Variants in ERICH1 observed in about 807,000 individuals in gnomAD.
ERICH1 encodes glutamate-rich protein 1.
A neutral mutation model predicts 39.6 loss-of-function variants in ERICH1; 56 were observed. The observed-to-expected ratio is 1.41, with a 90% CI of 1.14 to 1.77. The LOEUF (loss-of-function observed/expected upper bound fraction) is 1.77, where lower values mean the gene tolerates loss of function less well. Among genes scored for constraint, ERICH1 ranks in the 40% most tolerant of loss-of-function variants. ERICH1 has a pLI of 0.00. For synonymous variants in ERICH1, 313 were observed against 223.6 expected (o/e 1.40, Z -3.57); for missense variants, 826 against 575.4 (o/e 1.44, Z -4.45).
In ERICH1 at chr8:618,184, C is replaced by T. The variant is rs139398333; in HGVS notation, c.977-2900G>A. 9.1e-3 allele frequency among the ~76,000 whole-genome samples: 1,374 copies of T among 151,582 alleles called. 17 individuals are homozygous for T. Among genetic ancestry groups the T allele is most frequent in the African/African-American group, 0.031 (1,284 of 41,242 alleles). On this transcript the variant is annotated intron_variant, in intron 3 of 3. Coordinates refer to the ERICH1 transcript ENST00000522706. Reference sequence around the variant, plus strand: ...CTCAGTACTGAGTACTCCATCTGTTCTCACTGCCCTCTGAGTGCTAGGTAC... The same window carrying T: ...CTCAGTACTGAGTACTCCATCTGTTTTCACTGCCCTCTGAGTGCTAGGTAC...
intron 1 of ERICH1, among the ~76,000 whole-genome samples, chr8:726,314 C>T (rs1259529461): frequency 5.3e-5 from 8 of 152,044 alleles, no homozygotes; most frequent in South Asian, 4.2e-4. Context: ...ACACGCCACA[C>T]GCAGACACGT....
At chr8:629,021 C>T (rs796282544) in intron 3 of ERICH1, among the ~76,000 whole-genome samples, 8 of 152,300 alleles carry the variant, frequency 5.3e-5, no homozygotes, top group African/African-American at 1.7e-4. Flanking sequence ...TTCAGAAGGG[C>T]TCTCGGGGCC....
chr8:656,414 G>T (rs1277559110), intron 3 of ERICH1, among the ~76,000 whole-genome samples: 1 of 152,102 alleles, frequency 6.6e-6, no homozygotes, highest in Non-Finnish European at 1.5e-5. Flanking sequence ...TTATTCCCTT[G>T]GGGACGACAA....
intron 5 of ERICH1, chr8:666,238 T>G (rs1802215900): frequency 6.6e-6 from 1 of 152,218 alleles, no homozygotes; most frequent in Non-Finnish European, 1.5e-5. Context: ...AAAACTCTTT[T>G]GGTGAATTTC....
At chr8:695,686 A>G (rs1189890928) in intron 2 of ERICH1, among the ~76,000 whole-genome samples, 4 of 50,614 alleles carry the variant, frequency 7.9e-5, no homozygotes, top group African/African-American at 1.1e-4. Context: ...ATCAGCCTGC[A>G]CCTGTGCTTG....
chr8:636,332 G>A (rs949273093), intron 3 of ERICH1, among the ~76,000 whole-genome samples: 1 of 152,246 alleles, frequency 6.6e-6, no homozygotes, highest in Non-Finnish European at 1.5e-5. Flanking sequence ...GGGAGCCAAG[G>A]CCTCGGATGT....
At chr8:657,867 T>C (rs1800865419) in intron 3 of ERICH1, among the ~76,000 whole-genome samples, 1 of 152,154 alleles carries the variant, frequency 6.6e-6, no homozygotes, top group Non-Finnish European at 1.5e-5. Flanking sequence ...GAAAGGGCCA[T>C]GAACACGAGC....
intron 2 of ERICH1, among the ~76,000 whole-genome samples, chr8:697,000 G>A (rs1464179115): frequency 3.3e-5 from 5 of 151,640 alleles, no homozygotes; most frequent in East Asian, 2.0e-4. Context: ...CCTCCACTCC[G>A]CTCCTTCCTT....
chr8:654,830 G>A (rs558569185), intron 3 of ERICH1, among the ~76,000 whole-genome samples: 20 of 152,264 alleles, frequency 1.3e-4, no homozygotes, highest in Admixed American at 5.2e-4. Flanking sequence ...CCATGGGTTT[G>A]CCCCAGGAGA....
chr8:707,341 G>T (rs1813538399), intron 2 of ERICH1, among the ~76,000 whole-genome samples: 1 of 151,768 alleles, frequency 6.6e-6, no homozygotes, highest in African/African-American at 2.4e-5. Flanking sequence ...CCAGGTAGCT[G>T]GGACTACAGG....
At chr8:703,124 C>T (rs1812529321) in intron 2 of ERICH1, among the ~76,000 whole-genome samples, 1 of 152,206 alleles carries the variant, frequency 6.6e-6, no homozygotes, top group African/African-American at 2.4e-5. Flanking sequence ...TCGTGTCCCC[C>T]TGTAACCAGG....
At chr8:707,382 A>G (rs1813554330) in intron 2 of ERICH1, among the ~76,000 whole-genome samples, 1 of 151,712 alleles carries the variant, frequency 6.6e-6, no homozygotes, top group African/African-American at 2.4e-5. Flanking sequence ...TAATTTTTGT[A>G]TTTTTAGTAG....
In ERICH1 at chr8:720,243, G is replaced by A. The variant is rs535216728; in HGVS notation, c.23-4236C>T. On this transcript the variant is annotated intron_variant, in intron 1 of 5. Transcript: ENST00000262109. Reference sequence around the variant, plus strand: ...CGCGCAGACATACCAACGGCAGGACGCCGAGGTGCCCACGAGGAAGGACGA... The same window carrying A: ...CGCGCAGACATACCAACGGCAGGACACCGAGGTGCCCACGAGGAAGGACGA... 5.3e-5 allele frequency among the ~76,000 whole-genome samples: 8 copies of A among 152,266 alleles called. No homozygotes were observed. The East Asian group carries it at 5.8e-4, about 11-fold the overall frequency.
chr8:634,651 G>A (rs1798285393), intron 3 of ERICH1, among the ~76,000 whole-genome samples: 3 of 152,104 alleles, frequency 2.0e-5, no homozygotes, highest in Admixed American at 2.0e-4. Flanking sequence ...CGGAGCAGCC[G>A]GACCAGCCCC....
intron 2 of ERICH1, among the ~76,000 whole-genome samples, chr8:696,205 C>T (rs1810223648): frequency 2.1e-5 from 1 of 47,402 alleles, no homozygotes. Context: ...CTCCTTCCTC[C>T]CCATCAGCCT....
At chr8:652,272 A>T (rs562304980) in intron 3 of ERICH1, among the ~76,000 whole-genome samples, 1 of 152,340 alleles carries the variant, frequency 6.6e-6, no homozygotes, top group Non-Finnish European at 1.5e-5. Flanking sequence ...TGATGGAGGG[A>T]GAAGCTGTTC....
intron 2 of ERICH1, among the ~76,000 whole-genome samples, chr8:699,016 G>A (rs1348696194): frequency 6.6e-6 from 1 of 151,774 alleles, no homozygotes; most frequent in Non-Finnish European, 1.5e-5. Flanking sequence ...TGTGGCGGGA[G>A]GCTCAGTGGA....
rs1274559325 is a variant in ERICH1, at chr8:645,631, T to C, written c.976+22967A>G. ...CATGCTGTCAGGAAGGCCTCCGTGG[T>C]ATCAGGGAGGCGACCGTGGAGGCTT... On this transcript the variant is annotated intron_variant, in intron 3 of 3. Transcript: ENST00000522706. Among the ~76,000 whole-genome samples the C allele has an allele frequency of 5.9e-5, 4 of 67,806 alleles. 2 individuals carry two copies. Among genetic ancestry groups the C allele is most frequent in the Non-Finnish European group, 1.8e-4 (4 of 21,704 alleles). The allele number at this position is 67,806 out of a possible 152,430, so 44.5% of individuals were successfully genotyped here. A position where few individuals can be genotyped will look rare whatever the true frequency, so the allele number is the denominator to read the frequency against.
rs1799637121 is a variant in ERICH1 at position 649,267 on chromosome 8, A to G, written c.976+19331T>C. ...ATCCAGGGAGAGTAAGAGATGGCAT[A>G]TCTGTGCCAGTGCAGCTGTCTTTAG... On this transcript the variant is annotated intron_variant, in intron 3 of 3. Coordinates refer to the ERICH1 transcript ENST00000522706. Among the ~76,000 whole-genome samples the G allele has an allele frequency of 2.9e-5, 2 of 69,358 alleles. 1 individual carries two copies. Among genetic ancestry groups the G allele is most frequent in the South Asian group, 1.1e-3 (2 of 1,828 alleles). 45.5% of individuals were successfully genotyped at this position (69,358 alleles called of 152,430 possible).
Sources: allele counts gnomAD v4.1 joint callset (sites outside exome capture counted in the v4.1 genomes callset), GRCh38; gene constraint gnomAD v4.1.1; transcripts MANE v1.5; gene names NCBI Gene and HGNC (gene_info 2026-07-23, HGNC 2026-07-21).